The following SMC5 variants were observed in gnomAD, a reference collection of about 807,000 sequenced individuals.
SMC5 encodes the protein structural maintenance of chromosomes protein 5.
In SMC5, 88 loss-of-function variants were observed where a neutral mutation model predicts 148.3. The observed-to-expected ratio is 0.59, with a 90% CI of 0.50 to 0.71. SMC5 has a LOEUF of 0.71. Among genes scored for constraint, SMC5 ranks in the 30% least tolerant of loss-of-function variants. The probability of loss-of-function intolerance (pLI) is 0.00; values close to 1 mark genes in which losing one functional copy is unlikely to be tolerated. For synonymous variants in SMC5, 421 were observed against 432.8 expected (o/e 0.97, Z 0.34); for missense variants, 1,142 against 1,298.9 (o/e 0.88, Z 1.86).
intron 15 of SMC5, among the ~76,000 whole-genome samples, chr9:70,319,543 A>G (rs1308749304): frequency 6.6e-6 from 1 of 152,176 alleles, no homozygotes; most frequent in East Asian, 1.9e-4. Context: ...CTGGCTTCCC[A>G]TAAATATGCA....
chr9:70,318,427 A>G, intron 13 of SMC5, 87 bp from the exon 14 acceptor site: 1 of 1,148,480 alleles, frequency 8.7e-7, no homozygotes, highest in South Asian at 2.1e-5. Flanking sequence ...TGATCTTCCA[A>G]AATTCACTTG....
At chr9:70,324,641 G>A (rs2036031366) in intron 17 of SMC5, among the ~76,000 whole-genome samples, 1 of 151,962 alleles carries the variant, frequency 6.6e-6, no homozygotes, top group Non-Finnish European at 1.5e-5. Context: ...ATACCATAGG[G>A]GCTCGGTTCC....
chr9:70,319,510 G>C (rs957413153), intron 15 of SMC5, among the ~76,000 whole-genome samples: 1 of 152,156 alleles, frequency 6.6e-6, no homozygotes, highest in African/African-American at 2.4e-5. Flanking sequence ...TGAGATGTTT[G>C]AGTTGAAGTA....
intron 8 of SMC5, among the ~76,000 whole-genome samples, chr9:70,289,801 T>A (rs893729804): frequency 1.3e-5 from 2 of 151,742 alleles, no homozygotes; most frequent in Non-Finnish European, 2.9e-5. Flanking sequence ...GAAAAAAAAA[T>A]TAGGAAGCTT....
At chr9:70,279,961 C>T (rs1474894059) in intron 5 of SMC5, among the ~76,000 whole-genome samples, 1 of 151,814 alleles carries the variant, frequency 6.6e-6, no homozygotes, top group East Asian at 1.9e-4. Flanking sequence ...TAACCAATTG[C>T]TTTCTCTTAA....
rs139961466 is a variant in SMC5, at chr9:70,259,152, C to T, written c.74C>T (p.Ser25Leu). 2 of 1,612,372 alleles carry T rather than the reference C, an allele frequency of 1.2e-6. No individual in the cohort carries two copies. Among genetic ancestry groups the T allele is most frequent in the African/African-American group, 2.7e-5 (2 of 74,916 alleles). ...PSKRALPRDP[S>L]SEVPSKRKNS... The stretch of plus-strand genomic sequence containing the variant: ...AAGAGAGCTCTCCCGAGAGACCCTT[C>T]GTCGGAGGTCCCGAGCAAGAGGAAG... Residue 25 changes from serine (S) to leucine (L), a missense_variant, in exon 1 of 25, where the codon TCG becomes TTG. Ser to Leu is a moderately radical substitution (Grantham distance 145, BLOSUM62 -2). Around this residue, in one of 5 missense-constraint regions of SMC5, gnomAD observed 297 missense variants for 302.6 expected, o/e 0.98. Coordinates refer to ENST00000361138, the MANE Select transcript of SMC5 (RefSeq NM_015110.4).
chr9:70,293,856 C>A (rs2035128986), intron 8 of SMC5, among the ~76,000 whole-genome samples: 3 of 152,026 alleles, frequency 2.0e-5, no homozygotes, highest in South Asian at 4.2e-4. Flanking sequence ...GGTGTGCGTT[C>A]AGTTTTTTAA....
At chr9:70,321,672 A>C (rs1021340297) in intron 15 of SMC5, among the ~76,000 whole-genome samples, 1 of 152,114 alleles carries the variant, frequency 6.6e-6, no homozygotes, top group Non-Finnish European at 1.5e-5. Flanking sequence ...ATGAGCCACC[A>C]CACCCAGCCA....
intron 2 of SMC5, among the ~76,000 whole-genome samples, chr9:70,265,285 C>T (rs185182527): frequency 1.4e-4 from 21 of 152,082 alleles, no homozygotes; most frequent in African/African-American, 4.8e-4. Context: ...ATGGTGAAAC[C>T]CCGTCTCTAC....
At chr9:70,279,322 C>T (rs2034680421) in intron 5 of SMC5, among the ~76,000 whole-genome samples, 2 of 151,860 alleles carry the variant, frequency 1.3e-5, no homozygotes, top group Non-Finnish European at 2.9e-5. Context: ...TTGAGACCAG[C>T]CTAGGCAACA....
chr9:70,313,500 G>GT, intron 11 of SMC5, among the ~76,000 whole-genome samples: 1 of 151,610 alleles, frequency 6.6e-6, no homozygotes, highest in East Asian at 1.9e-4. Flanking sequence ...GTTTTGTTTT[G>GT]TTTTTGTTTT....
Position 70,350,278 on chromosome 9 carries a change from T to A in SMC5, c.3054T>A (p.Val1018=), listed in dbSNP as rs771467041. ...QELNRCPFRV[V]DEINQGMDPI... is the part of the protein sequence containing the mutation. Reference sequence around the variant, plus strand: ...TAAATAGATGTCCATTCAGAGTAGTTGATGAAATCAATCAGGTATGGTGAT... The same window carrying A: ...TAAATAGATGTCCATTCAGAGTAGTAGATGAAATCAATCAGGTATGGTGAT... Residue 1018 remains valine (V), a synonymous_variant, in exon 23 of 25, where the codon GTT becomes GTA. Transcript: ENST00000361138. 4.3e-6 allele frequency: 7 copies of A among 1,612,742 alleles called. No individual in the cohort carries two copies. Among genetic ancestry groups the A allele is most frequent in the Non-Finnish European group, 5.9e-6 (7 of 1,179,572 alleles).
chr9:70,268,457 C>CG (rs2034352722), intron 3 of SMC5, among the ~76,000 whole-genome samples: 1 of 149,266 alleles, frequency 6.7e-6, no homozygotes, highest in Non-Finnish European at 1.5e-5. Flanking sequence ...GCCCCCTGCC[C>CG]CCCCCAAAAA....
At chr9:70,281,914 A>G (rs2034760445) in intron 6 of SMC5, among the ~76,000 whole-genome samples, 1 of 141,958 alleles carries the variant, frequency 7.0e-6, no homozygotes, top group African/African-American at 2.6e-5. Context: ...CATCCCATTC[A>G]CTCTTATATA....
rs751891954 is a variant in SMC5, at chr9:70,277,490, G to A, written c.543+18G>A. 2 of 1,556,526 alleles carry A rather than the reference G, an allele frequency of 1.3e-6. No homozygotes were observed. Among genetic ancestry groups the A allele is most frequent in the Non-Finnish European group, 1.7e-6 (2 of 1,156,562 alleles). On this transcript the variant is annotated intron_variant, in intron 4 of 24. Coordinates refer to ENST00000361138, the MANE Select transcript of SMC5 (RefSeq NM_015110.4). The stretch of plus-strand genomic sequence containing the variant: ...TCCCTCAGGTATGAGAGAAATAAAT[G>A]TAAAGATGGGAAAATTTTGTATATA...
intron 1 of SMC5, among the ~76,000 whole-genome samples, chr9:70,261,710 TG>T (rs1028989203): frequency 6.6e-6 from 1 of 152,122 alleles, no homozygotes; most frequent in African/African-American, 2.4e-5. Context: ...AATTATGAAT[TG>T]AAGAACTAGA....
chr9:70,278,762 A>C (rs1333294020), intron 5 of SMC5, 137 bp downstream of exon 5: 4 of 753,284 alleles, frequency 5.3e-6, no homozygotes, highest in Middle Eastern at 6.4e-4. Context: ...TTGTACTGCT[A>C]ATATCAGTTA....
intron 3 of SMC5, among the ~76,000 whole-genome samples, chr9:70,271,852 G>A (rs2034459158): frequency 6.6e-6 from 1 of 152,182 alleles, no homozygotes; most frequent in South Asian, 2.1e-4. Flanking sequence ...CACAGTGACT[G>A]GATCACTTTG....
chr9:70,322,268 T>G (rs1331344335), intron 15 of SMC5, among the ~76,000 whole-genome samples: 1 of 152,236 alleles, frequency 6.6e-6, no homozygotes, highest in Non-Finnish European at 1.5e-5. Flanking sequence ...TATTCAATCT[T>G]CTGCAAAACG....
Sources: gnomAD v4.1 joint callset for allele counts (sites outside exome capture counted in the v4.1 genomes callset) on GRCh38, gnomAD v4.1.1 for gene constraint, gnomAD v4.1.1 regional missense constraint, MANE v1.5 for transcripts, NCBI Gene and HGNC (gene_info 2026-07-23, HGNC 2026-07-21) for gene names.